The following GALNT7 variants were observed in gnomAD, a reference collection of about 807,000 sequenced individuals.
GALNT7 encodes the protein N-acetylgalactosaminyltransferase 7.
A neutral mutation model predicts 82.1 loss-of-function variants in GALNT7; 60 were observed. The ratio of observed to expected loss-of-function variants is 0.73; its 90% CI spans 0.59 to 0.91. The LOEUF is 0.91. GALNT7 is among the 40% of genes least tolerant of loss of function. The pLI is 0.00. For missense variants in GALNT7, 660 were observed against 804.2 expected (o/e 0.82, Z 2.17); for synonymous variants, 243 against 275.1 (o/e 0.88, Z 1.15).
At chr4:173,265,345 G>A (rs1259566902) in intron 2 of GALNT7, among the ~76,000 whole-genome samples, 1 of 152,148 alleles carries the variant, frequency 6.6e-6, no homozygotes, top group Non-Finnish European at 1.5e-5. Context: ...GCCAGCTACT[G>A]TTTGGTGAAT....
At chr4:173,307,911 T>A (rs924143078) in intron 8 of GALNT7, among the ~76,000 whole-genome samples, 2 of 152,162 alleles carry the variant, frequency 1.3e-5, no homozygotes, top group African/African-American at 4.8e-5. Flanking sequence ...TGCATCTCCC[T>A]CTCTGGGGTT....
intron 1 of GALNT7, among the ~76,000 whole-genome samples, chr4:173,206,474 A>G (rs72993792): frequency 0.032 from 4,848 of 152,266 alleles, 165 homozygotes; most frequent in Admixed American, 0.081. Flanking sequence ...ATCTGTCTCA[A>G]ATTGTCCCAG....
At chr4:173,265,440 T>C in intron 2 of GALNT7, among the ~76,000 whole-genome samples, 1 of 152,122 alleles carries the variant, frequency 6.6e-6, no homozygotes, top group East Asian at 1.9e-4. Context: ...TCTAAAAGCT[T>C]ATCATCCCGT....
At chr4:173,234,461 G>A (rs1734144639) in intron 1 of GALNT7, among the ~76,000 whole-genome samples, 1 of 152,132 alleles carries the variant, frequency 6.6e-6, no homozygotes, top group South Asian at 2.1e-4. Context: ...TTCAATTCTG[G>A]TCTATTTCAG....
intron 2 of GALNT7, among the ~76,000 whole-genome samples, chr4:173,287,942 T>C (rs1736384207): frequency 1.3e-5 from 2 of 152,168 alleles, no homozygotes; most frequent in African/African-American, 4.8e-5. Flanking sequence ...AAAATCCCCT[T>C]TTTGTTTAAA....
At chr4:173,234,377 A>G (rs1434949555) in intron 1 of GALNT7, among the ~76,000 whole-genome samples, 1 of 152,138 alleles carries the variant, frequency 6.6e-6, no homozygotes, top group Non-Finnish European at 1.5e-5. Flanking sequence ...TGAGCTATAA[A>G]TTCTGTTTCT....
chr4:173,255,442 GT>G (rs1735003686), intron 2 of GALNT7, among the ~76,000 whole-genome samples: 1 of 152,048 alleles, frequency 6.6e-6, no homozygotes, highest in African/African-American at 2.4e-5. Context: ...CTGATAAAAA[GT>G]TATAAACTCA....
At chr4:173,250,852 CCCT>C (rs2126744268) in intron 2 of GALNT7, among the ~76,000 whole-genome samples, 1 of 152,226 alleles carries the variant, frequency 6.6e-6, no homozygotes, top group South Asian at 2.1e-4. Context: ...ATATGCTCTT[CCCT>C]CCTCCATGAA....
At chr4:173,175,105 T>G (rs1731994693) in intron 1 of GALNT7, among the ~76,000 whole-genome samples, 1 of 152,238 alleles carries the variant, frequency 6.6e-6, no homozygotes, top group Admixed American at 6.5e-5. Flanking sequence ...AGCTATTGAA[T>G]GAAGGAAAAT....
chr4:173,246,125 T>C (rs137928515), intron 1 of GALNT7, among the ~76,000 whole-genome samples: 46 of 152,300 alleles, frequency 3.0e-4, no homozygotes, highest in African/African-American at 1.1e-3. Flanking sequence ...CTTTCCTATT[T>C]TACAATCCTG....
At chr4:173,305,344 A>C (rs1737114417) in intron 8 of GALNT7, among the ~76,000 whole-genome samples, 1 of 152,140 alleles carries the variant, frequency 6.6e-6, no homozygotes, top group Non-Finnish European at 1.5e-5. Flanking sequence ...CCCTTACCAG[A>C]TGTATGGTTT....
intron 2 of GALNT7, among the ~76,000 whole-genome samples, chr4:173,279,672 A>G (rs1045408436): frequency 1.3e-5 from 2 of 152,178 alleles, no homozygotes; most frequent in African/African-American, 4.8e-5. Context: ...TCCTCAATTT[A>G]TTATAAAATA....
intron 2 of GALNT7, among the ~76,000 whole-genome samples, chr4:173,286,978 C>T (rs979531110): frequency 6.6e-6 from 1 of 152,182 alleles, no homozygotes; most frequent in Non-Finnish European, 1.5e-5. Context: ...CTCCCTGAGA[C>T]TTCCTTGGTT....
chr4:173,234,688 C>T (rs1381160700), intron 1 of GALNT7, among the ~76,000 whole-genome samples: 1 of 152,270 alleles, frequency 6.6e-6, no homozygotes, highest in East Asian at 1.9e-4. Flanking sequence ...GAGGTGAGGC[C>T]TAATGGGAAG....
At chr4:173,187,121 C>G (rs1344344869) in intron 1 of GALNT7, among the ~76,000 whole-genome samples, 1 of 152,114 alleles carries the variant, frequency 6.6e-6, no homozygotes, top group Middle Eastern at 3.4e-3. Flanking sequence ...GAAAATATTA[C>G]AAAGTTAAAG....
chr4:173,190,964 A>G (rs939400726), intron 1 of GALNT7, among the ~76,000 whole-genome samples: 1 of 152,172 alleles, frequency 6.6e-6, no homozygotes, highest in African/African-American at 2.4e-5. Flanking sequence ...AACCATGGAA[A>G]AGATTATGGG....
At chr4:173,305,217 G>A (rs1326416744) in intron 8 of GALNT7, among the ~76,000 whole-genome samples, 1 of 152,100 alleles carries the variant, frequency 6.6e-6, no homozygotes, top group Non-Finnish European at 1.5e-5. Flanking sequence ...TCATATAACT[G>A]TTGGCTAGTT....
intron 2 of GALNT7, among the ~76,000 whole-genome samples, chr4:173,271,214 A>G (rs1735709527): frequency 6.6e-6 from 1 of 152,148 alleles, no homozygotes; most frequent in Admixed American, 6.5e-5. Context: ...ATTATTTTTT[A>G]TGAGAATAAA....
chr4:173,219,765 T>C (rs1579922931), intron 1 of GALNT7, among the ~76,000 whole-genome samples: 2 of 148,410 alleles, frequency 1.3e-5, no homozygotes, highest in South Asian at 2.2e-4. Flanking sequence ...CATTTTTTCA[T>C]TTTTTTTGGC....
Sources: gnomAD v4.1 joint callset for allele counts (sites outside exome capture counted in the v4.1 genomes callset) on GRCh38, gnomAD v4.1.1 for gene constraint, MANE v1.5 for transcripts, NCBI Gene and HGNC (gene_info 2026-07-23, HGNC 2026-07-21) for gene names.